The following PTPRD variants were observed in gnomAD, a reference collection of about 807,000 sequenced individuals.
PTPRD encodes the protein receptor-type tyrosine-protein phosphatase delta.
In PTPRD, 34 loss-of-function variants were observed where a neutral mutation model predicts 214.5. The observed-to-expected ratio is 0.16, with a 90% CI of 0.12 to 0.21. The LOEUF is 0.21. Among genes scored for constraint, PTPRD ranks in the 10% least tolerant of loss-of-function variants. The probability of loss-of-function intolerance (pLI) is 1.00; values close to 1 mark genes in which losing one functional copy is unlikely to be tolerated. For missense variants in PTPRD, 2,545 were observed against 2,398.7 expected, an observed-to-expected ratio of 1.06 and a Z score of -1.27; for synonymous variants, 1,128 against 845.7, an observed-to-expected ratio of 1.33 and a Z score of -5.79.
At position 9,973,449 on chromosome 9, in the gene PTPRD, G is replaced by A. The variant is rs530124344; in HGVS notation, c.-471-34839C>T. ...ATCATGCCATTGCCTTGCACCCTGGGTGACAGAGTGAGACCTTGTCTCAAA... is the reference window on the plus strand; with the variant it reads ...ATCATGCCATTGCCTTGCACCCTGGATGACAGAGTGAGACCTTGTCTCAAA... On this transcript the variant is annotated intron_variant, in intron 4 of 45. Coordinates refer to ENST00000381196, the MANE Select transcript of PTPRD (RefSeq NM_002839.4). Among the ~76,000 whole-genome samples, 272 of 152,068 alleles carry A rather than the reference G, an allele frequency of 1.8e-3. 2 individuals carry two copies. Among genetic ancestry groups the A allele is most frequent in the South Asian group, 0.012 (59 of 4,822 alleles).
chr9:8,359,128 AAAAAAAAAAAC>A (rs1382786600), intron 39 of PTPRD, among the ~76,000 whole-genome samples: 4,690 of 122,592 alleles, frequency 0.038, 1,453 homozygotes, highest in Non-Finnish European at 0.051. Context: ...AAAAACAAAA[AAAAAAAAAAAC>A]AAAAAAAAAT....
chr9:9,026,333 A>T (rs1227208935), intron 10 of PTPRD, among the ~76,000 whole-genome samples: 1 of 151,940 alleles, frequency 6.6e-6, no homozygotes, highest in African/African-American at 2.4e-5. Context: ...TAAGACAGGT[A>T]AGAGAGGAGG....
intron 11 of PTPRD, among the ~76,000 whole-genome samples, chr9:8,758,236 T>A (rs565005098): frequency 2.0e-5 from 3 of 152,178 alleles, no homozygotes; most frequent in East Asian, 3.8e-4. Flanking sequence ...AAGATAATCA[T>A]GCCCTACAGA....
At chr9:10,485,322 C>T (rs551244043) in intron 2 of PTPRD, among the ~76,000 whole-genome samples, 10 of 152,060 alleles carry the variant, frequency 6.6e-5, no homozygotes, top group African/African-American at 2.4e-4. Context: ...TTAACTTTGC[C>T]CATCACAGTT....
intron 10 of PTPRD, among the ~76,000 whole-genome samples, chr9:9,168,467 G>T (rs1471824129): frequency 6.6e-6 from 1 of 151,278 alleles, no homozygotes; most frequent in Non-Finnish European, 1.5e-5. Flanking sequence ...ATTTCTTTTT[G>T]AAATACAATG....
chr9:9,597,948 T>C (rs977158749), intron 7 of PTPRD, among the ~76,000 whole-genome samples: 1 of 152,070 alleles, frequency 6.6e-6, no homozygotes, highest in Non-Finnish European at 1.5e-5. Context: ...TTTTGTTTAT[T>C]ATATTTTTTC....
chr9:10,501,095 GTTTT>G (rs36072042), intron 2 of PTPRD, among the ~76,000 whole-genome samples: 1 of 151,754 alleles, frequency 6.6e-6, no homozygotes, highest in Non-Finnish European at 1.5e-5. Flanking sequence ...TCTATTTTTA[GTTTT>G]TTTGAGGAAC....
intron 11 of PTPRD, among the ~76,000 whole-genome samples, chr9:8,851,883 A>G (rs1457241957): frequency 6.6e-6 from 1 of 152,112 alleles, no homozygotes; most frequent in Non-Finnish European, 1.5e-5. Context: ...TTTTCACTGT[A>G]GCCTAAAAAG....
At chr9:8,707,398 C>T (rs1293182776) in intron 12 of PTPRD, among the ~76,000 whole-genome samples, 6 of 152,344 alleles carry the variant, frequency 3.9e-5, no homozygotes, top group Non-Finnish European at 8.8e-5. Context: ...TTTGGTCAGC[C>T]AGCTTCTGTG....
At chr9:8,405,815 T>C (rs1240832722) in intron 35 of PTPRD, among the ~76,000 whole-genome samples, 3 of 152,186 alleles carry the variant, frequency 2.0e-5, no homozygotes, top group Non-Finnish European at 4.4e-5. Flanking sequence ...GTATTTTTCA[T>C]GCCTTTATGT....
rs1474089526 is a variant in PTPRD, at chr9:9,684,537, CT to C, written c.-287+49995del. Among the ~76,000 whole-genome samples, 5 of 151,636 alleles carry C rather than the reference CT, an allele frequency of 3.3e-5. No individual in the cohort carries two copies. The Admixed American group carries it at 3.3e-4, about 10-fold the overall frequency. ...CTAAGATAGTTGCTTATTATTTTAG[CT>C]GGTAATTGAGTAATAATATTAATAC... On this transcript the variant is annotated intron_variant, in intron 7 of 45. Coordinates refer to ENST00000381196, the MANE Select transcript of PTPRD (RefSeq NM_002839.4).
chr9:9,556,653 T>G (rs2081587450), intron 8 of PTPRD, among the ~76,000 whole-genome samples: 1 of 152,168 alleles, frequency 6.6e-6, no homozygotes, highest in African/African-American at 2.4e-5. Context: ...AATGAATTGT[T>G]TAAAGTATAT....
At chr9:8,709,379 G>A (rs2098278308) in intron 12 of PTPRD, among the ~76,000 whole-genome samples, 1 of 151,808 alleles carries the variant, frequency 6.6e-6, no homozygotes, top group Non-Finnish European at 1.5e-5. Flanking sequence ...GCTGTGCCTG[G>A]TGGCAGGCAC....
At chr9:9,358,890 G>A (rs1365097787) in intron 9 of PTPRD, among the ~76,000 whole-genome samples, 1 of 151,324 alleles carries the variant, frequency 6.6e-6, no homozygotes, top group Non-Finnish European at 1.5e-5. Flanking sequence ...CACAATCAAA[G>A]TTGATTGCAT....
At chr9:9,778,310 A>G (rs1277422048) in intron 5 of PTPRD, among the ~76,000 whole-genome samples, 1 of 152,112 alleles carries the variant, frequency 6.6e-6, no homozygotes, top group African/African-American at 2.4e-5. Context: ...GTGGACCTCT[A>G]GGATCCTAGC....
chr9:8,437,409 G>A (rs899995102), intron 34 of PTPRD, among the ~76,000 whole-genome samples: 2 of 152,078 alleles, frequency 1.3e-5, no homozygotes, highest in Non-Finnish European at 1.5e-5. Flanking sequence ...CATTAAGATC[G>A]CTAATATTTC....
intron 8 of PTPRD, among the ~76,000 whole-genome samples, chr9:9,481,458 T>C (rs1393317439): frequency 1.3e-5 from 2 of 152,198 alleles, no homozygotes; most frequent in African/African-American, 4.8e-5. Context: ...AGGGCTGATT[T>C]ACCCATCAGA....
intron 11 of PTPRD, among the ~76,000 whole-genome samples, chr9:8,842,689 T>C (rs2097582345): frequency 6.6e-6 from 1 of 152,182 alleles, no homozygotes; most frequent in Admixed American, 6.5e-5. Flanking sequence ...CTAGATTTCT[T>C]TCAGTGACTT....
At chr9:9,047,727 A>C (rs2099675727) in intron 10 of PTPRD, among the ~76,000 whole-genome samples, 1 of 152,010 alleles carries the variant, frequency 6.6e-6, no homozygotes, top group Non-Finnish European at 1.5e-5. Context: ...CCATATCTCC[A>C]ATCATATATG....
Sources: allele counts gnomAD v4.1 joint callset (sites outside exome capture counted in the v4.1 genomes callset), GRCh38; gene constraint gnomAD v4.1.1; transcripts MANE v1.5; gene names NCBI Gene and HGNC (gene_info 2026-07-23, HGNC 2026-07-21).